STAG1: variants seen among roughly 807,000 people sequenced by gnomAD.
STAG1 encodes cohesin subunit SA-1.
STAG1 carries 26 observed loss-of-function variants against 170.9 expected under a neutral mutation model. The observed-to-expected ratio is 0.15, with a 90% CI of 0.11 to 0.21. STAG1 has a LOEUF of 0.21. Ranked by LOEUF, STAG1 falls within the 10% of genes least tolerant of loss-of-function variation. The pLI is 1.00. For missense variants in STAG1, 964 were observed against 1,509.5 expected (o/e 0.64, Z 5.99); for synonymous variants, 514 against 497.7 (o/e 1.03, Z -0.44).
At chr3:136,578,864 T>C (rs948487156) in intron 4 of STAG1, among the ~76,000 whole-genome samples, 1 of 152,158 alleles carries the variant, frequency 6.6e-6, no homozygotes, top group African/African-American at 2.4e-5. Context: ...ACTTGGCAAC[T>C]GGCAGAAACC....
chr3:136,494,571 G>T (rs897865354), intron 9 of STAG1, among the ~76,000 whole-genome samples: 7 of 152,114 alleles, frequency 4.6e-5, no homozygotes, highest in Non-Finnish European at 7.4e-5. Flanking sequence ...ATATAAAAAG[G>T]ATTGTATACC....
chr3:136,438,473 C>T (rs1332773372), intron 15 of STAG1, among the ~76,000 whole-genome samples: 1 of 152,018 alleles, frequency 6.6e-6, no homozygotes, highest in African/African-American at 2.4e-5. Flanking sequence ...GATCCGCCCG[C>T]CTTGGCTCCC....
chr3:136,716,285 C>T (rs1408216765), intron 1 of STAG1, among the ~76,000 whole-genome samples: 1 of 151,586 alleles, frequency 6.6e-6, no homozygotes, highest in East Asian at 1.9e-4. Flanking sequence ...ATAGTGAAAC[C>T]CCACCTCTAC....
intron 28 of STAG1, among the ~76,000 whole-genome samples, chr3:136,350,351 A>G (rs1445728287): frequency 3.3e-5 from 5 of 151,932 alleles, no homozygotes; most frequent in African/African-American, 9.7e-5. Context: ...GAAGCATACC[A>G]TTTGCATTTC....
chr3:136,682,589 C>T (rs1357854314), intron 1 of STAG1, among the ~76,000 whole-genome samples: 1 of 151,714 alleles, frequency 6.6e-6, no homozygotes, highest in East Asian at 1.9e-4. Context: ...TTTTGATACA[C>T]TTTTAAACAA....
intron 1 of STAG1, among the ~76,000 whole-genome samples, chr3:136,703,606 A>T (rs1943141158): frequency 6.6e-6 from 1 of 152,226 alleles, no homozygotes; most frequent in Admixed American, 6.5e-5. Context: ...CTGACCACGA[A>T]GATAACAGAA....
intron 1 of STAG1, among the ~76,000 whole-genome samples, chr3:136,724,029 G>T (rs1325914605): frequency 6.6e-6 from 1 of 151,302 alleles, no homozygotes; most frequent in African/African-American, 2.4e-5. Context: ...GAGGTGAGGG[G>T]CGCCTCTGCC....
chr3:136,422,753 T>G lies in STAG1; in HGVS notation c.1833+15A>C, dbSNP rs200182793. The G allele has an allele frequency of 3.6e-4, 566 of 1,571,734 alleles. 1 individual carries two copies. Among genetic ancestry groups the G allele is most frequent in the Non-Finnish European group, 2.6e-4 (301 of 1,159,360 alleles). ...AAACTATAACAGCTGAATTTCAATT[T>G]CATAATATCATTACCTTTTCCATTC... On this transcript the variant is annotated intron_variant, in intron 18 of 33. Coordinates refer to ENST00000383202, the MANE Select transcript of STAG1 (RefSeq NM_005862.3).
At chr3:136,694,759 G>A (rs1559955926) in intron 1 of STAG1, among the ~76,000 whole-genome samples, 2 of 152,128 alleles carry the variant, frequency 1.3e-5, no homozygotes. Context: ...AAGGGACACA[G>A]GAAATCTGGG....
At chr3:136,425,747 CATAT>C (rs1352246747) in intron 16 of STAG1, among the ~76,000 whole-genome samples, 1 of 148,494 alleles carries the variant, frequency 6.7e-6, no homozygotes, top group Non-Finnish European at 1.5e-5. Flanking sequence ...TATACATATA[CATAT>C]ATATCTATAA....
At chr3:136,505,207 C>G (rs1933695176) in intron 7 of STAG1, among the ~76,000 whole-genome samples, 1 of 152,192 alleles carries the variant, frequency 6.6e-6, no homozygotes, top group Non-Finnish European at 1.5e-5. Context: ...AATAATCCTG[C>G]AGGAATTCAG....
intron 13 of STAG1, among the ~76,000 whole-genome samples, chr3:136,463,714 T>TAAA (rs530519093): frequency 1.6e-5 from 2 of 126,154 alleles, no homozygotes; most frequent in East Asian, 5.0e-4. Flanking sequence ...CCCATCTCTC[T>TAAA]AAAAAAAAAA....
At chr3:136,532,697 G>T (rs183524476) in intron 6 of STAG1, among the ~76,000 whole-genome samples, 75 of 152,210 alleles carry the variant, frequency 4.9e-4, no homozygotes, top group Non-Finnish European at 3.2e-4. Context: ...TGCAGAAAAA[G>T]CATTTGGTAA....
At chr3:136,637,036 G>A (rs1197708088) in intron 1 of STAG1, among the ~76,000 whole-genome samples, 4 of 152,088 alleles carry the variant, frequency 2.6e-5, no homozygotes, top group African/African-American at 7.2e-5. Flanking sequence ...CACAGACATG[G>A]GGAAAATGTG....
intron 1 of STAG1, among the ~76,000 whole-genome samples, chr3:136,638,219 C>T (rs1358281492): frequency 1.3e-5 from 2 of 151,362 alleles, no homozygotes; most frequent in East Asian, 1.9e-4. Flanking sequence ...CTGCAATCTC[C>T]GCCTCCCAGA....
intron 9 of STAG1, among the ~76,000 whole-genome samples, chr3:136,491,786 A>G (rs1310986878): frequency 6.6e-6 from 1 of 152,182 alleles, no homozygotes; most frequent in Non-Finnish European, 1.5e-5. Flanking sequence ...TGAGGTCAGG[A>G]GTTCAAGACC....
rs564466934 is a variant in STAG1 at position 136,627,362 on chromosome 3, G to A, written c.29+3508C>T. ...CATCTGCAGAATACCACTGTTAATA[G>A]TTTGACGCTGCCATAAATATTTAGG... On this transcript the variant is annotated intron_variant, in intron 2 of 33. Transcript: ENST00000383202. Among the ~76,000 whole-genome samples, 9 of 152,230 alleles carry A rather than the reference G, an allele frequency of 5.9e-5. No homozygotes were observed. The South Asian group carries it at 1.9e-3, about 32-fold the overall frequency.
chr3:136,667,651 AC>A (rs1941833966), intron 1 of STAG1, among the ~76,000 whole-genome samples: 3 of 151,928 alleles, frequency 2.0e-5, no homozygotes, highest in African/African-American at 4.8e-5. Context: ...ACATGCCACC[AC>A]GCCCAGCTAA....
In STAG1 at chr3:136,477,386, A is replaced by C; in HGVS notation, c.929T>G (p.Ile310Ser). ...CCATACTCCAATTTCTTCAATACAA[A>C]TGGCTCTAATCTCAGCAATAGCATC... ...YRDAIAEIRA[I>S]CIEEIGVWMK... is the part of the protein sequence containing the mutation. Residue 310 changes from isoleucine (I) to serine (S), a missense_variant, in exon 10 of 34, where the codon ATT becomes AGT. Ile to Ser is a moderately radical substitution (Grantham distance 142, BLOSUM62 -2). This residue lies in a region of STAG1 where 57 missense variants were observed against 157.6 expected (regional missense o/e 0.36). Coordinates refer to ENST00000383202, the MANE Select transcript of STAG1 (RefSeq NM_005862.3). 3.1e-6 allele frequency: 5 copies of C among 1,612,372 alleles called. No homozygotes were observed. The highest frequency in any genetic ancestry group is 3.4e-6 in the Non-Finnish European group (4 of 1,179,500).
Sources: gnomAD v4.1 joint callset for allele counts (sites outside exome capture counted in the v4.1 genomes callset) on GRCh38, gnomAD v4.1.1 for gene constraint, gnomAD v4.1.1 regional missense constraint, MANE v1.5 for transcripts, NCBI Gene and HGNC (gene_info 2026-07-23, HGNC 2026-07-21) for gene names.